Variants in MXI1 observed in about 807,000 individuals in gnomAD.
MXI1 encodes MAX interactor 1, dimerization protein, also known as max-interacting protein 1.
In MXI1, 18 loss-of-function variants were observed where a neutral mutation model predicts 36.9. That is an observed-to-expected ratio of 0.49 (90% confidence interval 0.34 to 0.72). The LOEUF (loss-of-function observed/expected upper bound fraction) is 0.72, where lower values mean the gene tolerates loss of function less well. Among genes scored for constraint, MXI1 ranks in the 30% least tolerant of loss-of-function variants. The pLI, the probability that MXI1 is intolerant of heterozygous loss-of-function variation, is 0.01. For synonymous variants in MXI1, 160 were observed against 146.7 expected (o/e 1.09, Z -0.65); for missense variants, 304 against 379.1 (o/e 0.80, Z 1.64).
At chr10:110,226,659 AG>A (rs1855000690) in intron 1 of MXI1, among the ~76,000 whole-genome samples, 1 of 5,430 alleles carries the variant, frequency 1.8e-4, no homozygotes, top group Non-Finnish European at 3.2e-4. Flanking sequence ...GGGGCGTGTG[AG>A]GAGCGCGCGC....
intron 3 of MXI1, among the ~76,000 whole-genome samples, chr10:110,278,701 G>GGTGTGT (rs368265649): frequency 1.7e-5 from 2 of 115,990 alleles, no homozygotes; most frequent in African/African-American, 4.8e-5. Flanking sequence ...AGAGAGGTAG[G>GGTGTGT]GTGTGTGTGT....
At chr10:110,227,654 T>G in intron 1 of MXI1, 60 of 605,330 alleles carry the variant, frequency 9.9e-5, no homozygotes, top group East Asian at 1.4e-4. Context: ...GGCCTTTGAA[T>G]ACCTGCGGGG....
chr10:110,228,154 C>A (rs1356190327), intron 1 of MXI1, 35 bp from the exon 2 acceptor site: 4 of 1,611,502 alleles, frequency 2.5e-6, no homozygotes, highest in Non-Finnish European at 3.4e-6. Context: ...GTACTATATT[C>A]TTCTTACCGT....
intron 2 of MXI1, among the ~76,000 whole-genome samples, chr10:110,233,386 T>C (rs1458818857): frequency 6.6e-6 from 1 of 152,100 alleles, no homozygotes; most frequent in Non-Finnish European, 1.5e-5. Flanking sequence ...TTTCCTAGGA[T>C]AGTTTCAAAG....
Position 110,284,977 on chromosome 10 carries a change from T to A in MXI1, c.878T>A (p.Phe293Tyr). 1 of 1,612,196 alleles carries A rather than the reference T, an allele frequency of 6.2e-7. No individual in the cohort carries two copies. The highest frequency in any genetic ancestry group is 8.5e-7 in the Non-Finnish European group (1 of 1,179,310). Reference protein sequence around the residue: ...GYSSASVKLSFTS With the variant: ...GYSSASVKLSYTS ...TCCAGTGCCAGTGTCAAACTTTCAT[T>A]CACTTCATAGAACCCAGCATGACAT... Residue 293 changes from phenylalanine to tyrosine, a missense_variant, in exon 6 of 6, where the codon TTC becomes TAC. Physicochemically the swap from Phe to Tyr is conservative, Grantham distance 22. Around this residue, in one of 2 missense-constraint regions of MXI1, gnomAD observed 125 missense variants for 194.3 expected, o/e 0.64. Coordinates refer to ENST00000332674, the MANE Select transcript of MXI1 (RefSeq NM_130439.3).
At chr10:110,213,292 C>T (rs1472238237) in intron 1 of MXI1, among the ~76,000 whole-genome samples, 3 of 152,170 alleles carry the variant, frequency 2.0e-5, no homozygotes, top group Non-Finnish European at 2.9e-5. Context: ...AAGCTGGTCA[C>T]GTTTTTGCAT....
chr10:110,267,727 G>T (rs1367972641), intron 3 of MXI1, among the ~76,000 whole-genome samples: 1 of 152,128 alleles, frequency 6.6e-6, no homozygotes, highest in Admixed American at 6.5e-5. Flanking sequence ...TCTTAAAGAA[G>T]CAATTTGGTG....
intron 3 of MXI1, among the ~76,000 whole-genome samples, chr10:110,252,152 G>T (rs1036611766): frequency 6.6e-6 from 1 of 151,958 alleles, no homozygotes; most frequent in Non-Finnish European, 1.5e-5. Context: ...GAAAACAAAG[G>T]TCTAAGAAAC....
chr10:110,259,124 A>G (rs1338645289), intron 3 of MXI1, among the ~76,000 whole-genome samples: 2 of 152,180 alleles, frequency 1.3e-5, no homozygotes, highest in African/African-American at 4.8e-5. Context: ...AATAATTGAC[A>G]TGGTATATTA....
intron 1 of MXI1, among the ~76,000 whole-genome samples, chr10:110,211,998 A>G (rs542029882): frequency 3.3e-5 from 5 of 152,386 alleles, no homozygotes; most frequent in African/African-American, 1.2e-4. Flanking sequence ...GGAAAAGGTT[A>G]AAACTAAAAG....
chr10:110,272,307 C>T (rs1856880859), intron 3 of MXI1, among the ~76,000 whole-genome samples: 1 of 152,170 alleles, frequency 6.6e-6, no homozygotes, highest in Admixed American at 6.5e-5. Context: ...AAATCCAAAA[C>T]ATTTCTGGTC....
chr10:110,286,076 T>C lies in MXI1; in HGVS notation c.*1089T>C, dbSNP rs1356732514. The stretch of plus-strand genomic sequence containing the variant: ...TATAGTGCACAAAATGAATGAGGTC[T>C]GGGCTAGGTAGAAAAAGGGTCAATG... On this transcript the variant is annotated 3_prime_UTR_variant, in exon 6 of 6. Coordinates refer to ENST00000332674, the MANE Select transcript of MXI1 (RefSeq NM_130439.3). The C allele has an allele frequency of 6.6e-6, 1 of 152,648 alleles. No homozygotes were observed. The highest frequency in any genetic ancestry group is 1.5e-5 in the Non-Finnish European group (1 of 68,032). 9.5% of individuals were successfully genotyped at this position (152,648 alleles called of 1,614,324 possible). A position where few individuals can be genotyped will look rare whatever the true frequency, so the allele number is the denominator to read the frequency against.
Position 110,207,692 on chromosome 10 carries a change from G to T in MXI1, c.-117G>T. The T allele has an allele frequency of 1.8e-6, 1 of 570,202 alleles. No homozygotes were observed. The highest frequency in any genetic ancestry group is 2.3e-6 in the Non-Finnish European group (1 of 443,942). The allele number at this position is 570,202 out of a possible 1,614,324, so 35.3% of individuals were successfully genotyped here. A position where few individuals can be genotyped will look rare whatever the true frequency, so the allele number is the denominator to read the frequency against. On this transcript the variant is annotated 5_prime_UTR_variant, in exon 1 of 6. Coordinates refer to ENST00000332674, the MANE Select transcript of MXI1 (RefSeq NM_130439.3). ...GCAGCGAGGCTCGGGAAGTCAGGCC[G>T]GCTTTTCGCCCCGGCGCCTTCTCTG...
intron 2 of MXI1, among the ~76,000 whole-genome samples, chr10:110,235,880 G>T (rs1002009416): frequency 6.6e-6 from 1 of 151,764 alleles, no homozygotes; most frequent in Non-Finnish European, 1.5e-5. Flanking sequence ...GGTGGCACAC[G>T]CCAGTAATCC....
intron 3 of MXI1, among the ~76,000 whole-genome samples, chr10:110,259,246 AC>A (rs1328483718): frequency 6.6e-6 from 1 of 152,126 alleles, no homozygotes; most frequent in East Asian, 1.9e-4. Context: ...ATTTAAAAAA[AC>A]AACAGGAAGA....
In MXI1 at chr10:110,236,124, CTTTTTTTTTTTTTTTTTTTTTTTTTTTT is replaced by C. The variant is rs60576710; in HGVS notation, c.407+7815_407+7842del. On this transcript the variant is annotated intron_variant, in intron 2 of 5. Coordinates refer to ENST00000332674, the MANE Select transcript of MXI1 (RefSeq NM_130439.3). ...AGGGTGTGAAGTAAAGGTTGAAGTT[CTTTTTTTTTTTTTTTTTTTTTTTTTTTT>C]TTTTTTTTTTTGCAAATGGACATCC... Among the ~76,000 whole-genome samples, 7 of 33,574 alleles carry C rather than the reference CTTTTTTTTTTTTTTTTTTTTTTTTTTTT, an allele frequency of 2.1e-4. 1 individual carries two copies. The highest frequency in any genetic ancestry group is 1.9e-3 in the Admixed American group (4 of 2,092). The allele number at this position is 33,574 out of a possible 152,430, so 22.0% of individuals were successfully genotyped here. A position where few individuals can be genotyped will look rare whatever the true frequency, so the allele number is the denominator to read the frequency against.
chr10:110,273,918 G>A (rs927697931), intron 3 of MXI1, among the ~76,000 whole-genome samples: 14 of 152,194 alleles, frequency 9.2e-5, no homozygotes, highest in African/African-American at 3.4e-4. Flanking sequence ...AGGGGTATTA[G>A]AGTTTTGAAA....
chr10:110,285,153 A>G lies in MXI1; in HGVS notation c.*166A>G. ...TCAGAGGACCTGTATTTAAGCAAATACTTAGCAAAAAGTGGGGCAGAGCCT... is the reference window on the plus strand; with the variant it reads ...TCAGAGGACCTGTATTTAAGCAAATGCTTAGCAAAAAGTGGGGCAGAGCCT... On this transcript the variant is annotated 3_prime_UTR_variant, in exon 6 of 6. Transcript: ENST00000332674. The G allele has an allele frequency of 1.7e-6, 1 of 575,164 alleles. No individual in the cohort carries two copies. Among genetic ancestry groups the G allele is most frequent in the Non-Finnish European group, 2.7e-6 (1 of 375,064 alleles). The allele number at this position is 575,164 out of a possible 1,614,324, so 35.6% of individuals were successfully genotyped here.
chr10:110,243,324 A>G (rs74347217), intron 2 of MXI1, among the ~76,000 whole-genome samples: 7,979 of 152,122 alleles, frequency 0.052, 322 homozygotes, highest in Middle Eastern at 0.15. Context: ...TTTTAAATGA[A>G]TATCAGTCTT....
Sources: allele counts gnomAD v4.1 joint callset (sites outside exome capture counted in the v4.1 genomes callset), GRCh38; gene constraint gnomAD v4.1.1; regional missense constraint gnomAD v4.1.1; transcripts MANE v1.5; gene names NCBI Gene and HGNC (gene_info 2026-07-23, HGNC 2026-07-21).